Variants in MAP6 observed in about 807,000 individuals in gnomAD.
The protein encoded by MAP6 is microtubule associated protein 6, also known as microtubule-associated protein 6.
Under a neutral mutation model 42.4 loss-of-function variants are expected in MAP6, and 26 were observed. That is an observed-to-expected ratio of 0.61 (90% CI 0.45 to 0.85). The LOEUF is 0.85. Ranked by LOEUF, MAP6 falls within the 40% of genes least tolerant of loss-of-function variation. The pLI is 0.00. For missense variants in MAP6, 966 were observed against 1,099.0 expected (o/e 0.88, Z 1.71); for synonymous variants, 418 against 443.8 (o/e 0.94, Z 0.73).
At chr11:75,609,024 G>A (rs1053797704) in intron 1 of MAP6, among the ~76,000 whole-genome samples, 4 of 152,198 alleles carry the variant, frequency 2.6e-5, no homozygotes, top group Non-Finnish European at 5.9e-5. Flanking sequence ...GTGTGTAGGA[G>A]CATCTTCGTG....
intron 3 of MAP6, among the ~76,000 whole-genome samples, chr11:75,601,867 T>C (rs1027563940): frequency 6.7e-6 from 1 of 149,504 alleles, no homozygotes; most frequent in African/African-American, 2.5e-5. Context: ...CTATCTAGCA[T>C]GCCTTGGCCA....
In MAP6 at chr11:75,587,005, G is replaced by A; in HGVS notation, c.*54C>T. 6.7e-7 allele frequency: 1 copy of A among 1,486,756 alleles called. No homozygotes were observed. The highest frequency in any genetic ancestry group is 9.0e-7 in the Non-Finnish European group (1 of 1,105,068). 92.1% of individuals were successfully genotyped at this position (1,486,756 alleles called of 1,614,324 possible). A position where few individuals can be genotyped will look rare whatever the true frequency, so the allele number is the denominator to read the frequency against. ...TAAATATGTGTCTTCACTGCCCCTGGGAGGGGAGCACTCTCACTGTCAGCT... is the reference window on the plus strand; with the variant it reads ...TAAATATGTGTCTTCACTGCCCCTGAGAGGGGAGCACTCTCACTGTCAGCT... On this transcript the variant is annotated 3_prime_UTR_variant, in exon 4 of 4. Coordinates refer to ENST00000304771, the MANE Select transcript of MAP6 (RefSeq NM_033063.2).
chr11:75,603,012 A>G (rs1942692031), intron 3 of MAP6: 1 of 985,700 alleles, frequency 1.0e-6, no homozygotes, highest in Non-Finnish European at 1.2e-6. Context: ...TAGCACCAAG[A>G]GAGGTGTGCG....
In MAP6 at chr11:75,668,093, G is replaced by T; in HGVS notation, c.277C>A (p.Arg93Ser). The change falls in exon 1 of 4, where the codon CGC becomes AGC. Residue 93 changes from arginine to serine, a missense_variant. Coordinates refer to ENST00000304771, the MANE Select transcript of MAP6 (RefSeq NM_033063.2). ...CGGCCGGGGCCCGCCGCCGGCTCGC[G>T]CTCGCCGGTAGGCCCAGGCGCTGGC... ...TGPAPGPTGE[R>S]EPAAGPGRSG... The T allele has an allele frequency of 8.3e-7, 1 of 1,208,172 alleles. No individual in the cohort carries two copies. Among genetic ancestry groups the T allele is most frequent in the Non-Finnish European group, 1.0e-6 (1 of 975,272 alleles). 74.8% of individuals were successfully genotyped at this position (1,208,172 alleles called of 1,614,324 possible).
intron 3 of MAP6, among the ~76,000 whole-genome samples, chr11:75,590,531 C>T (rs1942459072): frequency 6.6e-6 from 1 of 152,166 alleles, no homozygotes; most frequent in Non-Finnish European, 1.5e-5. Context: ...GTTTAATGAG[C>T]CAGTTGTGAG....
rs1455120856 is a variant in MAP6 at position 75,668,206 on chromosome 11, G to C, written c.164C>G (p.Pro55Arg). 2 of 1,284,570 alleles carry C rather than the reference G, an allele frequency of 1.6e-6. No individual in the cohort carries two copies. The highest frequency in any genetic ancestry group is 9.8e-7 in the Non-Finnish European group (1 of 1,024,034). The allele number at this position is 1,284,570 out of a possible 1,614,324, so 79.6% of individuals were successfully genotyped here. ...GCGCGCCGAGGGGGGCGCGAGCGCC[G>C]GCTGCGCCTGCTGCTGCGGCGGCGG... Reference protein sequence around the residue: ...QPPPPQQQAQPALAPPSARAV... With the variant: ...QPPPPQQQAQRALAPPSARAV... The change falls in exon 1 of 4, where the codon CCG (proline) becomes CGG (arginine). Residue 55 changes from proline (P) to arginine (R), a missense_variant. Transcript: ENST00000304771.
rs539345673 is a variant in MAP6, at chr11:75,626,507, G to A, written c.906-18185C>T. Among the ~76,000 whole-genome samples, 165 of 152,290 alleles carry A rather than the reference G, an allele frequency of 1.1e-3. 2 individuals carry two copies. In the South Asian group the frequency reaches 0.033, roughly 31 times the overall value. ...CCACTTTGGGGCAATAAGAGGCTGG[G>A]ATAGGGAGAGACTGGAGGCTGCAGA... On this transcript the variant is annotated intron_variant, in intron 1 of 3. Coordinates refer to ENST00000304771, the MANE Select transcript of MAP6 (RefSeq NM_033063.2).
intron 3 of MAP6, among the ~76,000 whole-genome samples, chr11:75,589,140 C>T (rs1942428934): frequency 6.6e-6 from 1 of 152,206 alleles, no homozygotes; most frequent in African/African-American, 2.4e-5. Flanking sequence ...TCTCCTGAGA[C>T]CTTTGCCCTC....
At chr11:75,663,776 G>C (rs1943897063) in intron 1 of MAP6, among the ~76,000 whole-genome samples, 1 of 152,212 alleles carries the variant, frequency 6.6e-6, no homozygotes, top group African/African-American at 2.4e-5. Context: ...TAGGGAATGG[G>C]GCAGTTCTGC....
At chr11:75,664,100 C>G (rs1282613815) in intron 1 of MAP6, among the ~76,000 whole-genome samples, 3 of 152,174 alleles carry the variant, frequency 2.0e-5, no homozygotes, top group Admixed American at 2.0e-4. Context: ...TTGAGAACGT[C>G]AGGTCTAAAG....
At position 75,622,143 on chromosome 11, in the gene MAP6, T is replaced by C. The variant is rs147906560; in HGVS notation, c.906-13821A>G. On this transcript the variant is annotated intron_variant, in intron 1 of 3. Coordinates refer to ENST00000304771, the MANE Select transcript of MAP6 (RefSeq NM_033063.2). ...TCAATACATAAAAATTAATTGTACA[T>C]CTACATACTAGTAACAGACAATGGG... is the stretch of plus-strand genomic sequence containing the variant. Among the ~76,000 whole-genome samples, 36 of 152,256 alleles carry C rather than the reference T, an allele frequency of 2.4e-4. 1 individual carries two copies. Among genetic ancestry groups the C allele is most frequent in the Admixed American group, 2.2e-3 (33 of 15,290 alleles).
intron 1 of MAP6, among the ~76,000 whole-genome samples, chr11:75,641,162 T>C (rs1253181868): frequency 6.6e-6 from 1 of 152,000 alleles, no homozygotes; most frequent in Non-Finnish European, 1.5e-5. Flanking sequence ...CCATAAAAAA[T>C]GATGAGTTCA....
chr11:75,659,815 C>T (rs1218555762), intron 1 of MAP6, among the ~76,000 whole-genome samples: 1 of 152,160 alleles, frequency 6.6e-6, no homozygotes, highest in African/African-American at 2.4e-5. Flanking sequence ...ATATTTGGGA[C>T]ATTGAATGAT....
intron 1 of MAP6, among the ~76,000 whole-genome samples, chr11:75,640,192 C>T (rs1943439948): frequency 6.6e-6 from 1 of 150,912 alleles, no homozygotes. Context: ...AACCCCCACC[C>T]CCCCACACAC....
chr11:75,642,451 A>G (rs1943488427), intron 1 of MAP6: 1 of 152,350 alleles, frequency 6.6e-6, no homozygotes, highest in Non-Finnish European at 1.5e-5. Context: ...TATCTGATTG[A>G]ACAAAGATAC....
At chr11:75,621,350 A>G (rs1943107588) in intron 1 of MAP6, among the ~76,000 whole-genome samples, 1 of 152,186 alleles carries the variant, frequency 6.6e-6, no homozygotes, top group Non-Finnish European at 1.5e-5. Flanking sequence ...AAGAAACATC[A>G]TCAATCTAGC....
intron 1 of MAP6, among the ~76,000 whole-genome samples, chr11:75,630,142 G>A (rs11236471): frequency 0.017 from 2,621 of 152,170 alleles, 81 homozygotes; most frequent in African/African-American, 0.06. Context: ...CGAACTTTCC[G>A]ACTCTACCCT....
intron 3 of MAP6, chr11:75,599,120 G>A (rs1942627647): frequency 6.6e-6 from 1 of 152,190 alleles, no homozygotes; most frequent in African/African-American, 2.4e-5. Context: ...TTTGCATAAA[G>A]ATCCCTCTAG....
chr11:75,667,142 G>A lies in MAP6; in HGVS notation c.905+323C>T, dbSNP rs1943961115. The stretch of plus-strand genomic sequence containing the variant: ...AGGTGAGTTGGATGGGGGCACGACG[G>A]AAGCACAGCCTCTGCTGACATTGCA... On this transcript the variant is annotated intron_variant, in intron 1 of 3. Coordinates refer to ENST00000304771, the MANE Select transcript of MAP6 (RefSeq NM_033063.2). This position sits in a 1 kb window ranked among gnomAD's most constrained non-coding sequence, Gnocchi z 5.6. Among the ~76,000 whole-genome samples, 1 of 152,182 alleles carries A rather than the reference G, an allele frequency of 6.6e-6. No individual in the cohort carries two copies. Among genetic ancestry groups the A allele is most frequent in the East Asian group, 1.9e-4 (1 of 5,194 alleles).
Sources: allele counts gnomAD v4.1 joint callset (sites outside exome capture counted in the v4.1 genomes callset), GRCh38; gene constraint gnomAD v4.1.1; non-coding constraint Gnocchi (gnomAD v3.1); transcripts MANE v1.5; gene names NCBI Gene and HGNC (gene_info 2026-07-23, HGNC 2026-07-21).